The following PACC1 variants were observed in gnomAD, a reference collection of about 807,000 sequenced individuals.
PACC1 encodes the protein proton-activated chloride channel.
Under a neutral mutation model 39.7 loss-of-function variants are expected in PACC1, and 34 were observed. The ratio of observed to expected loss-of-function variants is 0.86; its 90% CI spans 0.65 to 1.14. The LOEUF is 1.14. Among genes scored for constraint, PACC1 ranks in the 50% most tolerant of loss-of-function variants. The probability of loss-of-function intolerance (pLI) is 0.00; values close to 1 mark genes in which losing one functional copy is unlikely to be tolerated. For missense variants in PACC1, 379 were observed against 436.4 expected (o/e 0.87, Z 1.17); for synonymous variants, 127 against 160.6 (o/e 0.79, Z 1.58).
At position 212,365,140 on chromosome 1, in the gene PACC1, T is replaced by C. The variant is rs1660184323; in HGVS notation, c.*75A>G. ...CTTCAAGTGAGTACAGGATTGTTGA[T>C]AGCTCCGTTTACAAAGTGGAAGTGA... On this transcript the variant is annotated 3_prime_UTR_variant, in exon 8 of 8. Transcript: ENST00000261455. The C allele has an allele frequency of 1.4e-6, 2 of 1,478,728 alleles. No individual in the cohort carries two copies. Among genetic ancestry groups the C allele is most frequent in the Non-Finnish European group, 9.2e-7 (1 of 1,085,942 alleles). 91.6% of individuals were successfully genotyped at this position (1,478,728 alleles called of 1,614,324 possible).
intron 2 of PACC1, among the ~76,000 whole-genome samples, chr1:212,390,014 A>T (rs1290363203): frequency 6.6e-6 from 1 of 152,172 alleles, no homozygotes; most frequent in African/African-American, 2.4e-5. Context: ...ATCAACAGAA[A>T]CTATCCAATT....
chr1:212,384,010 A>T (rs995291715), intron 4 of PACC1, among the ~76,000 whole-genome samples: 11 of 152,134 alleles, frequency 7.2e-5, no homozygotes, highest in African/African-American at 2.7e-4. Flanking sequence ...CCTGCTCTCT[A>T]ACGGTGCTGA....
In PACC1 at chr1:212,394,867, T is replaced by A. The variant is rs572757160; in HGVS notation, c.134-7767A>T. On this transcript the variant is annotated intron_variant, in intron 2 of 7. Coordinates refer to ENST00000261455, the MANE Select transcript of PACC1 (RefSeq NM_018252.3). ...TTAAAGAGAATAAAATACCTAGGAA[T>A]CCAACTTACAAGGGATGTGAAGGAC... Among the ~76,000 whole-genome samples the A allele has an allele frequency of 2.0e-5, 3 of 152,192 alleles. No homozygotes were observed. The East Asian group carries it at 5.8e-4, about 29-fold the overall frequency.
chr1:212,389,505 T>C (rs1661228117), intron 2 of PACC1, among the ~76,000 whole-genome samples: 1 of 152,202 alleles, frequency 6.6e-6, no homozygotes, highest in Non-Finnish European at 1.5e-5. Flanking sequence ...TCATTCATAA[T>C]GTCCAGTGTT....
chr1:212,414,335 G>C (rs529383242), intron 1 of PACC1, among the ~76,000 whole-genome samples: 9 of 152,320 alleles, frequency 5.9e-5, no homozygotes, highest in Admixed American at 2.6e-4. Context: ...AGGAGGGCGC[G>C]GGCGCTCCAC....
intron 7 of PACC1, among the ~76,000 whole-genome samples, chr1:212,368,039 C>T (rs901235215): frequency 5.3e-5 from 8 of 152,184 alleles, no homozygotes; most frequent in Non-Finnish European, 7.3e-5. Context: ...AGAGAGACTC[C>T]TTCCCCTTGA....
chr1:212,374,068 A>T (rs186599329), intron 7 of PACC1, among the ~76,000 whole-genome samples: 4 of 152,136 alleles, frequency 2.6e-5, no homozygotes, highest in African/African-American at 7.2e-5. Flanking sequence ...AAAAAAAGGA[A>T]ATCAGTGTAT....
rs902503939 is a variant in PACC1, at chr1:212,364,280, C to A, written c.*935G>T. 2.6e-5 allele frequency: 4 copies of A among 152,194 alleles called. No homozygotes were observed. Among genetic ancestry groups the A allele is most frequent in the African/African-American group, 9.6e-5 (4 of 41,516 alleles). The allele number at this position is 152,194 out of a possible 1,614,324, so 9.4% of individuals were successfully genotyped here. A position where few individuals can be genotyped will look rare whatever the true frequency, so the allele number is the denominator to read the frequency against. On this transcript the variant is annotated 3_prime_UTR_variant, in exon 8 of 8. Coordinates refer to ENST00000261455, the MANE Select transcript of PACC1 (RefSeq NM_018252.3). ...GTTAACCCAGCTTCCTCGGGGACAC[C>A]AGGTCACTCTTTCTGGACACCTGCC...
At chr1:212,382,888 C>T (rs995225417) in intron 4 of PACC1, among the ~76,000 whole-genome samples, 19 of 152,302 alleles carry the variant, frequency 1.2e-4, no homozygotes, top group African/African-American at 4.6e-4. Flanking sequence ...TTTCTGAGGG[C>T]AGCAACAGGT....
At chr1:212,402,984 T>G (rs976504698) in intron 2 of PACC1, among the ~76,000 whole-genome samples, 2 of 152,204 alleles carry the variant, frequency 1.3e-5, no homozygotes, top group Non-Finnish European at 2.9e-5. Flanking sequence ...GTCTAATCTA[T>G]GAATTTTTTC....
chr1:212,410,380 T>C, intron 2 of PACC1, 45 bp downstream of exon 2: 1 of 1,572,880 alleles, frequency 6.4e-7, no homozygotes, highest in Non-Finnish European at 8.8e-7. Context: ...TAGACTGGGG[T>C]GTCCAGCTGC....
At chr1:212,395,975 T>C (rs1661501634) in intron 2 of PACC1, among the ~76,000 whole-genome samples, 1 of 152,188 alleles carries the variant, frequency 6.6e-6, no homozygotes, top group Admixed American at 6.5e-5. Flanking sequence ...AGGAACACTT[T>C]TACACTGTTG....
chr1:212,411,222 G>A (rs1662116459), intron 1 of PACC1, among the ~76,000 whole-genome samples: 1 of 152,172 alleles, frequency 6.6e-6, no homozygotes, highest in Non-Finnish European at 1.5e-5. Flanking sequence ...ATCCAAGTTG[G>A]TCTAGTTCCA....
intron 2 of PACC1, among the ~76,000 whole-genome samples, chr1:212,388,854 A>G (rs1402960626): frequency 2.6e-5 from 4 of 152,092 alleles, no homozygotes; most frequent in Non-Finnish European, 1.5e-5. Flanking sequence ...GAGCTCCCTG[A>G]GAAGAAGTCC....
chr1:212,380,184 G>T, intron 4 of PACC1, 147 bp from the exon 5 acceptor site: 1 of 790,592 alleles, frequency 1.3e-6, no homozygotes, highest in Non-Finnish European at 2.0e-6. Context: ...GGACTGGGCT[G>T]GGACTCATGC....
chr1:212,391,420 C>A lies in PACC1; in HGVS notation c.134-4320G>T, dbSNP rs531952528. Among the ~76,000 whole-genome samples the A allele has an allele frequency of 3.9e-4, 59 of 152,190 alleles. No homozygotes were observed. In the East Asian group the frequency reaches 0.011, roughly 27 times the overall value. On this transcript the variant is annotated intron_variant, in intron 2 of 7. Transcript: ENST00000261455. Reference sequence around the variant, plus strand: ...GAAAACTAACAAACAGAAAGGACATCCACACCAAAACCCCATCTGTACATC... The same window carrying A: ...GAAAACTAACAAACAGAAAGGACATACACACCAAAACCCCATCTGTACATC...
chr1:212,385,793 C>G (rs1571651360), intron 3 of PACC1, among the ~76,000 whole-genome samples: 1 of 152,262 alleles, frequency 6.6e-6, no homozygotes, highest in Non-Finnish European at 1.5e-5. Flanking sequence ...CTGGGAGGCT[C>G]TAAACTGTGG....
At chr1:212,369,906 A>C (rs2102466652) in intron 7 of PACC1, among the ~76,000 whole-genome samples, 1 of 152,348 alleles carries the variant, frequency 6.6e-6, no homozygotes, top group South Asian at 2.1e-4. Flanking sequence ...GGAAAAAGAG[A>C]CAAATATCAT....
At chr1:212,381,552 C>T (rs954321649) in intron 4 of PACC1, among the ~76,000 whole-genome samples, 8 of 152,084 alleles carry the variant, frequency 5.3e-5, no homozygotes, top group Non-Finnish European at 8.8e-5. Context: ...CATCTCTGCC[C>T]TCAAATGTAG....
Sources: gnomAD v4.1 joint callset for allele counts (sites outside exome capture counted in the v4.1 genomes callset) on GRCh38, gnomAD v4.1.1 for gene constraint, MANE v1.5 for transcripts, NCBI Gene and HGNC (gene_info 2026-07-23, HGNC 2026-07-21) for gene names.